The following ITGA9 variants were observed in gnomAD, a reference collection of about 807,000 sequenced individuals.
ITGA9 encodes integrin subunit alpha 9.
Under a neutral mutation model 127.8 loss-of-function variants are expected in ITGA9, and 56 were observed. The ratio of observed to expected loss-of-function variants is 0.44; its 90% CI spans 0.35 to 0.55. The LOEUF (loss-of-function observed/expected upper bound fraction) is 0.55, where lower values mean the gene tolerates loss of function less well. Ranked by LOEUF, ITGA9 falls within the 20% of genes least tolerant of loss-of-function variation. The pLI is 0.00. For missense variants in ITGA9, 1,196 were observed against 1,347.1 expected (o/e 0.89, Z 1.76); for synonymous variants, 508 against 514.5 (o/e 0.99, Z 0.17).
chr3:37,627,961 C>T lies in ITGA9; in HGVS notation c.1690-1226C>T, dbSNP rs138208030. On this transcript the variant is annotated intron_variant, in intron 15 of 27. Transcript: ENST00000264741. ...GCCTCTGGGGAAGGGGGCTGGGTGT[C>T]GGGGAGGGGTGGGAGCAAATTCCTC... Among the ~76,000 whole-genome samples, 26 of 147,028 alleles carry T rather than the reference C, an allele frequency of 1.8e-4. 1 individual carries two copies. The East Asian group carries it at 4.0e-3, about 23-fold the overall frequency.
rs188796261 is a variant in ITGA9 at position 37,558,301 on chromosome 3, C to T, written c.1689+15716C>T. ...CTGGTCCATGCCTTCAGCCCACCAG[C>T]ATGTGTTGAGTACCTGTTGGGTACA... On this transcript the variant is annotated intron_variant, in intron 15 of 27. Transcript: ENST00000264741. Among the ~76,000 whole-genome samples, 675 of 152,232 alleles carry T rather than the reference C, an allele frequency of 4.4e-3. 4 individuals carry two copies. Among genetic ancestry groups the T allele is most frequent in the African/African-American group, 0.014 (576 of 41,528 alleles).
intron 8 of ITGA9, among the ~76,000 whole-genome samples, chr3:37,512,129 CTT>C (rs1451676304): frequency 0.016 from 170 of 10,506 alleles, 13 homozygotes; most frequent in African/African-American, 0.023. Flanking sequence ...TCTTTCTTTT[CTT>C]TTCTTTTCTT....
intron 1 of ITGA9, among the ~76,000 whole-genome samples, chr3:37,467,221 A>ATC: frequency 6.6e-6 from 1 of 152,164 alleles, no homozygotes; most frequent in Non-Finnish European, 1.5e-5. Flanking sequence ...ATGCCCCCTT[A>ATC]TCTCTAGCCT....
intron 15 of ITGA9, among the ~76,000 whole-genome samples, chr3:37,556,576 G>C (rs554973755): frequency 1.3e-5 from 2 of 152,316 alleles, no homozygotes; most frequent in Admixed American, 6.5e-5. Context: ...TCACGTTAGC[G>C]TGCACACGAA....
At chr3:37,617,901 G>C (rs551592219) in intron 15 of ITGA9, among the ~76,000 whole-genome samples, 1 of 152,196 alleles carries the variant, frequency 6.6e-6, no homozygotes, top group African/African-American at 2.4e-5. Flanking sequence ...TTTGCCATGG[G>C]TTCAAACTTC....
At chr3:37,676,899 C>G (rs1384457933) in intron 17 of ITGA9, among the ~76,000 whole-genome samples, 1 of 152,184 alleles carries the variant, frequency 6.6e-6, no homozygotes, top group African/African-American at 2.4e-5. Context: ...ATTTTTCTCT[C>G]TGGCTGGAAT....
chr3:37,472,064 T>TA (rs1355779925), intron 2 of ITGA9, among the ~76,000 whole-genome samples: 4 of 151,768 alleles, frequency 2.6e-5, no homozygotes, highest in Non-Finnish European at 4.4e-5. Context: ...TCCAAAAAGA[T>TA]AAAAAAATAA....
At chr3:37,817,741 G>A (rs143129112) in intron 27 of ITGA9, among the ~76,000 whole-genome samples, 6 of 152,308 alleles carry the variant, frequency 3.9e-5, no homozygotes, top group Non-Finnish European at 7.3e-5. Context: ...GGCTACAAAC[G>A]TTGCTTCACT....
chr3:37,510,370 C>G lies in ITGA9; in HGVS notation c.897+1743C>G, dbSNP rs542478801. Among the ~76,000 whole-genome samples the G allele has an allele frequency of 6.6e-5, 10 of 152,236 alleles. No homozygotes were observed. The East Asian group carries it at 7.7e-4, about 12-fold the overall frequency. On this transcript the variant is annotated intron_variant, in intron 8 of 27. Coordinates refer to ENST00000264741, the MANE Select transcript of ITGA9 (RefSeq NM_002207.3). ...TATGTTCAGTTGTAGCTGTGCCCCC[C>G]CAAACTGCTTTTCCTTCCCTGCCCT...
chr3:37,784,316 A>G (rs1697013184), intron 25 of ITGA9, among the ~76,000 whole-genome samples: 1 of 152,064 alleles, frequency 6.6e-6, no homozygotes, highest in Non-Finnish European at 1.5e-5. Context: ...AGTGTCTTTG[A>G]ATCTGAGCCC....
At chr3:37,636,476 G>T (rs1487802257) in intron 16 of ITGA9, among the ~76,000 whole-genome samples, 1 of 152,158 alleles carries the variant, frequency 6.6e-6, no homozygotes, top group Non-Finnish European at 1.5e-5. Context: ...TTTTGATGGG[G>T]TTGTTTGTTT....
Position 37,629,892 on chromosome 3 carries a change from G to A in ITGA9, c.1839+556G>A, listed in dbSNP as rs143357701. Among the ~76,000 whole-genome samples, 338 of 152,328 alleles carry A rather than the reference G, an allele frequency of 2.2e-3. 1 individual carries two copies. The highest frequency in any genetic ancestry group is 7.3e-3 in the African/African-American group (305 of 41,568). Reference sequence around the variant, plus strand: ...ATGGGTGTATCACTCGTATGAAGTAGGAGTGAGCCTGTGCCTGATTTTGTG... The same window carrying A: ...ATGGGTGTATCACTCGTATGAAGTAAGAGTGAGCCTGTGCCTGATTTTGTG... On this transcript the variant is annotated intron_variant, in intron 16 of 27. Transcript: ENST00000264741. The surrounding 1 kb of genome is among the most constrained non-coding windows in gnomAD (Gnocchi z 4.5).
At chr3:37,678,720 C>T (rs1328745217) in intron 17 of ITGA9, among the ~76,000 whole-genome samples, 6 of 152,100 alleles carry the variant, frequency 3.9e-5, no homozygotes, top group Non-Finnish European at 7.4e-5. Flanking sequence ...TAAGCACCAT[C>T]CAAAAAATTA....
At chr3:37,590,941 C>A (rs1699809903) in intron 15 of ITGA9, among the ~76,000 whole-genome samples, 1 of 152,148 alleles carries the variant, frequency 6.6e-6, no homozygotes, top group Non-Finnish European at 1.5e-5. Flanking sequence ...TAGCGCAGCC[C>A]TGGGGGTTAT....
At chr3:37,762,437 G>T (rs1167191136) in intron 23 of ITGA9, among the ~76,000 whole-genome samples, 1 of 152,218 alleles carries the variant, frequency 6.6e-6, no homozygotes, top group African/African-American at 2.4e-5. Context: ...TGTCATGGGG[G>T]AGAGAAAGAA....
intron 18 of ITGA9, among the ~76,000 whole-genome samples, chr3:37,708,869 T>A (rs1303927916): frequency 3.3e-5 from 5 of 152,278 alleles, no homozygotes; most frequent in Middle Eastern, 3.4e-3. Context: ...GTCAAGCCAC[T>A]TCAGCATGAT....
chr3:37,558,283 A>G (rs1305349124), intron 15 of ITGA9, among the ~76,000 whole-genome samples: 1 of 152,180 alleles, frequency 6.6e-6, no homozygotes, highest in Non-Finnish European at 1.5e-5. Context: ...AGTCTGGTCC[A>G]TGCCTTCAGC....
intron 17 of ITGA9, among the ~76,000 whole-genome samples, chr3:37,682,589 C>T (rs1330189336): frequency 1.3e-5 from 2 of 152,156 alleles, no homozygotes; most frequent in Non-Finnish European, 2.9e-5. Context: ...TATCCTAGCC[C>T]AGACCCCTCC....
chr3:37,628,327 C>CT (rs1700196860), intron 15 of ITGA9, among the ~76,000 whole-genome samples: 1 of 152,170 alleles, frequency 6.6e-6, no homozygotes, highest in African/African-American at 2.4e-5. Flanking sequence ...ACTCCTGCGT[C>CT]TAACTCTAAC....
Sources: gnomAD v4.1 joint callset for allele counts (sites outside exome capture counted in the v4.1 genomes callset) on GRCh38, gnomAD v4.1.1 for gene constraint, Gnocchi (gnomAD v3.1) non-coding constraint, MANE v1.5 for transcripts, NCBI Gene and HGNC (gene_info 2026-07-23, HGNC 2026-07-21) for gene names.